The following KIF13B variants were observed in gnomAD, a reference collection of about 807,000 sequenced individuals.
KIF13B encodes the protein kinesin family member 13B.
In KIF13B, 127 loss-of-function variants were observed where a neutral mutation model predicts 222.0. The observed-to-expected ratio is 0.57, with a 90% CI of 0.50 to 0.66. KIF13B has a LOEUF of 0.66. Ranked by LOEUF, KIF13B falls within the 30% of genes least tolerant of loss-of-function variation. The probability of loss-of-function intolerance (pLI) is 0.00; values close to 1 mark genes in which losing one functional copy is unlikely to be tolerated. For synonymous variants in KIF13B, 976 were observed against 919.0 expected (o/e 1.06, Z -1.12); for missense variants, 2,173 against 2,379.0 (o/e 0.91, Z 1.80).
chr8:29,080,068 A>C (rs1807732513), intron 37 of KIF13B, among the ~76,000 whole-genome samples: 1 of 152,208 alleles, frequency 6.6e-6, no homozygotes, highest in Admixed American at 6.5e-5. Flanking sequence ...CACATTGTGC[A>C]GTGGCTCTCG....
intron 21 of KIF13B, among the ~76,000 whole-genome samples, chr8:29,136,012 C>A (rs1586825913): frequency 6.6e-6 from 1 of 152,114 alleles, no homozygotes; most frequent in African/African-American, 2.4e-5. Flanking sequence ...CAAACAGGAA[C>A]CCCCGTTATA....
intron 37 of KIF13B, among the ~76,000 whole-genome samples, chr8:29,076,032 G>A (rs1335255765): frequency 6.6e-6 from 1 of 152,222 alleles, no homozygotes; most frequent in East Asian, 1.9e-4. Context: ...ACAGGAAAGG[G>A]CCTGGTTACT....
At chr8:29,221,929 T>C (rs1814770649) in intron 2 of KIF13B, among the ~76,000 whole-genome samples, 1 of 152,208 alleles carries the variant, frequency 6.6e-6, no homozygotes, top group South Asian at 2.1e-4. Context: ...TCTTCTTGAA[T>C]AGTCGGTAGT....
intron 37 of KIF13B, among the ~76,000 whole-genome samples, chr8:29,081,096 C>G (rs989943935): frequency 6.6e-6 from 1 of 152,206 alleles, no homozygotes; most frequent in African/African-American, 2.4e-5. Flanking sequence ...CGGCTCGATC[C>G]GTCCCTCCTG....
chr8:29,202,054 A>G (rs962835864), intron 2 of KIF13B, among the ~76,000 whole-genome samples: 1 of 152,244 alleles, frequency 6.6e-6, no homozygotes, highest in African/African-American at 2.4e-5. Flanking sequence ...CTTTTGAAGG[A>G]TAAATTCTAA....
At chr8:29,211,730 A>G (rs1814235710) in intron 2 of KIF13B, among the ~76,000 whole-genome samples, 1 of 152,238 alleles carries the variant, frequency 6.6e-6, no homozygotes, top group South Asian at 2.1e-4. Flanking sequence ...GGCATGAGTT[A>G]CAACCAGCCA....
At chr8:29,133,823 T>C (rs1401271710) in intron 22 of KIF13B, among the ~76,000 whole-genome samples, 1 of 152,258 alleles carries the variant, frequency 6.6e-6, no homozygotes, top group African/African-American at 2.4e-5. Flanking sequence ...AGAATATGCA[T>C]ATATACATAC....
At chr8:29,140,020 G>A in intron 21 of KIF13B, 43 bp downstream of exon 21, 1 of 1,515,836 alleles carries the variant, frequency 6.6e-7, no homozygotes, top group African/African-American at 1.4e-5. Flanking sequence ...AAACTGCAAT[G>A]ACTTTTGTAT....
chr8:29,083,662 G>C (rs1003942320), intron 37 of KIF13B, among the ~76,000 whole-genome samples: 5 of 152,176 alleles, frequency 3.3e-5, no homozygotes, highest in African/African-American at 1.2e-4. Context: ...AACTAAAAGA[G>C]TGATAAGAGT....
chr8:29,101,449 C>T (rs560550258), intron 35 of KIF13B, among the ~76,000 whole-genome samples: 12 of 152,114 alleles, frequency 7.9e-5, no homozygotes, highest in Admixed American at 1.3e-4. Flanking sequence ...GGCTGCTTGA[C>T]GTAGAATTGG....
At chr8:29,205,006 C>T (rs149990337) in intron 2 of KIF13B, among the ~76,000 whole-genome samples, 94 of 152,196 alleles carry the variant, frequency 6.2e-4, no homozygotes, top group African/African-American at 2.1e-3. Context: ...CCTATATCTC[C>T]GAACCAGAGG....
chr8:29,167,285 A>T, intron 11 of KIF13B, 88 bp downstream of exon 11: 1 of 1,067,424 alleles, frequency 9.4e-7, no homozygotes. Flanking sequence ...TAGAGTACTC[A>T]TCCCTCACAG....
At chr8:29,103,407 G>T (rs965579433) in intron 35 of KIF13B, among the ~76,000 whole-genome samples, 2 of 152,104 alleles carry the variant, frequency 1.3e-5, no homozygotes, top group Non-Finnish European at 2.9e-5. Context: ...GCCGGTCTTG[G>T]CAGACAGTCA....
In KIF13B at chr8:29,167,524, T is replaced by C; in HGVS notation, c.1007A>G (p.Asn336Ser). The part of the protein sequence containing the change: ...MVATVSPAAD[N>S]YDETLSTLRY... ...CAGAGTTGAGAGGGTTTCATCATAGTTATCAGCTGCAGGACTCACAGTAGC... is the reference window on the plus strand; with the variant it reads ...CAGAGTTGAGAGGGTTTCATCATAGCTATCAGCTGCAGGACTCACAGTAGC... Residue 336 changes from asparagine to serine, a missense_variant, in exon 11 of 40, where the codon AAC (asparagine) becomes AGC (serine). Asn to Ser is a conservative substitution (Grantham distance 46). Coordinates refer to ENST00000524189, the MANE Select transcript of KIF13B (RefSeq NM_015254.4). 2 of 1,614,038 alleles carry C rather than the reference T, an allele frequency of 1.2e-6. No individual in the cohort carries two copies. The highest frequency in any genetic ancestry group is 1.7e-6 in the Non-Finnish European group (2 of 1,179,886).
chr8:29,215,172 G>C (rs765163910), intron 2 of KIF13B, among the ~76,000 whole-genome samples: 4 of 151,974 alleles, frequency 2.6e-5, no homozygotes, highest in Admixed American at 6.6e-5. Context: ...CATCCTGGAG[G>C]AAACATGTTC....
intron 1 of KIF13B, among the ~76,000 whole-genome samples, chr8:29,262,579 C>A (rs1434381920): frequency 6.6e-6 from 1 of 151,600 alleles, no homozygotes; most frequent in African/African-American, 2.4e-5. Flanking sequence ...GGCTGGCGAC[C>A]CGCGCGCGGG....
At chr8:29,146,665 G>A (rs2279445) in intron 17 of KIF13B, 125 bp from the exon 18 acceptor site, 142,748 of 807,132 alleles carry the variant, frequency 0.18, 13,953 homozygotes, top group Admixed American at 0.34. Context: ...GTGGTCGTCT[G>A]CACGCAGGGA....
intron 35 of KIF13B, 44 bp from the exon 36 acceptor site, chr8:29,099,285 T>A (rs761807008): frequency 2.2e-6 from 3 of 1,349,702 alleles, no homozygotes; most frequent in Admixed American, 2.2e-5. Flanking sequence ...GTTATTCAAT[T>A]AACCAAACAA....
intron 36 of KIF13B, among the ~76,000 whole-genome samples, chr8:29,095,936 T>A (rs1426866346): frequency 6.6e-6 from 1 of 151,920 alleles, no homozygotes; most frequent in African/African-American, 2.4e-5. Flanking sequence ...TTATCCATTT[T>A]TTCTGTATTC....
Sources: gnomAD v4.1 joint callset for allele counts (sites outside exome capture counted in the v4.1 genomes callset) on GRCh38, gnomAD v4.1.1 for gene constraint, MANE v1.5 for transcripts, NCBI Gene and HGNC (gene_info 2026-07-23, HGNC 2026-07-21) for gene names.